Variants in DLG5 observed in about 807,000 individuals in gnomAD.
DLG5 encodes the protein disks large homolog 5.
A neutral mutation model predicts 189.8 loss-of-function variants in DLG5; 48 were observed. That is an observed-to-expected ratio of 0.25 (90% CI 0.20 to 0.32). The LOEUF (loss-of-function observed/expected upper bound fraction) is 0.32. Among genes scored for constraint, DLG5 ranks in the 10% least tolerant of loss-of-function variants. The pLI, the probability that DLG5 is intolerant of heterozygous loss-of-function variation, is 1.00. For missense variants in DLG5, 2,160 were observed against 2,544.7 expected, an observed-to-expected ratio of 0.85 and a Z score of 3.25; for synonymous variants, 1,016 against 1,054.1, an observed-to-expected ratio of 0.96 and a Z score of 0.70.
intron 2 of DLG5, among the ~76,000 whole-genome samples, chr10:77,862,012 C>T (rs1844491657): frequency 6.6e-6 from 1 of 152,056 alleles, no homozygotes; most frequent in Admixed American, 6.5e-5. Context: ...CATGACCAAT[C>T]TCAAGATGTG....
At position 77,792,277 on chromosome 10, in the gene DLG5, CGTGGCCCTCTGTCTACAAAGGA is replaced by C. The variant is rs1436650162; in HGVS notation, c.*141_*162del. The C allele has an allele frequency of 1.5e-6, 1 of 686,806 alleles. No individual in the cohort carries two copies. Among genetic ancestry groups the C allele is most frequent in the Non-Finnish European group, 2.5e-6 (1 of 395,274 alleles). The allele number at this position is 686,806 out of a possible 1,614,324, so 42.5% of individuals were successfully genotyped here. On this transcript the variant is annotated 3_prime_UTR_variant, in exon 32 of 32. Transcript: ENST00000372391. ...GGCCTGGGCCTGGATCGCACGCAGC[CGTGGCCCTCTGTCTACAAAGGA>C]GGTGCTTCTGGGTCCTGGTTCCGGA...
intron 27 of DLG5, among the ~76,000 whole-genome samples, chr10:77,803,210 A>G (rs1443697844): frequency 6.6e-6 from 1 of 152,232 alleles, no homozygotes; most frequent in East Asian, 1.9e-4. Context: ...TAGAATGAAT[A>G]GAAAACAAAC....
In DLG5 at chr10:77,790,909, C is replaced by T. The variant is rs1418068834; in HGVS notation, c.*1531G>A. Reference sequence around the variant, plus strand: ...CAGTACCTGTCTGTGCACACTGTACCATCTCAGTCCCACTCTGCCTGTAAC... The same window carrying T: ...CAGTACCTGTCTGTGCACACTGTACTATCTCAGTCCCACTCTGCCTGTAAC... On this transcript the variant is annotated 3_prime_UTR_variant, in exon 32 of 32. Transcript: ENST00000372391. 6.6e-6 allele frequency: 1 copy of T among 152,156 alleles called. No individual in the cohort carries two copies. The highest frequency in any genetic ancestry group is 2.4e-5 in the African/African-American group (1 of 41,432). The allele number at this position is 152,156 out of a possible 1,614,324, so 9.4% of individuals were successfully genotyped here. A position where few individuals can be genotyped will look rare whatever the true frequency, so the allele number is the denominator to read the frequency against.
chr10:77,880,519 G>A (rs1845246086), intron 1 of DLG5, among the ~76,000 whole-genome samples: 1 of 152,104 alleles, frequency 6.6e-6, no homozygotes, highest in Non-Finnish European at 1.5e-5. Context: ...GGTCTTAAGA[G>A]AGGTGCTCAG....
intron 1 of DLG5, among the ~76,000 whole-genome samples, chr10:77,871,238 C>T (rs1263022399): frequency 6.6e-6 from 1 of 152,082 alleles, no homozygotes; most frequent in African/African-American, 2.4e-5. Flanking sequence ...AAAGCTGCAT[C>T]TCTAAACAGG....
intron 2 of DLG5, among the ~76,000 whole-genome samples, chr10:77,867,693 A>C (rs946705168): frequency 3.9e-5 from 6 of 152,260 alleles, no homozygotes; most frequent in Non-Finnish European, 7.3e-5. Context: ...AAAAGATGCT[A>C]AAGTCCCAAT....
At chr10:77,835,596 T>G in intron 8 of DLG5, 142 bp downstream of exon 8, 1 of 846,244 alleles carries the variant, frequency 1.2e-6, no homozygotes, top group Non-Finnish European at 1.8e-6. Flanking sequence ...GGGCATCAAC[T>G]AGGGGTGAGA....
intron 1 of DLG5, among the ~76,000 whole-genome samples, chr10:77,885,419 G>A (rs890458467): frequency 2.6e-5 from 4 of 152,302 alleles, no homozygotes; most frequent in South Asian, 2.1e-4. Context: ...TCTTTCACAC[G>A]TGGGCAATGC....
In DLG5 at chr10:77,792,550, A is replaced by C; in HGVS notation, c.5657-7T>G. ...GCTCCTCCCTGGATGACCCCTGCAA[A>C]AGAGCCCCCCAGACACGTCATTCAG... is the stretch of plus-strand genomic sequence containing the variant. On this transcript the variant is annotated splice_polypyrimidine_tract_variant and splice_region_variant and intron_variant, in intron 31 of 31. Transcript: ENST00000372391. 1.2e-6 allele frequency: 2 copies of C among 1,613,912 alleles called. No homozygotes were observed. The highest frequency in any genetic ancestry group is 1.7e-6 in the Non-Finnish European group (2 of 1,179,866).
At chr10:77,889,213 GGCCTC>G (rs1845535202) in intron 1 of DLG5, among the ~76,000 whole-genome samples, 1 of 149,948 alleles carries the variant, frequency 6.7e-6, no homozygotes, top group African/African-American at 2.5e-5. Context: ...TAAACTCCCA[GGCCTC>G]ACAAGCCCAC....
rs773089051 is a variant in DLG5 at position 77,835,914 on chromosome 10, G to A, written c.1446C>T (p.Asp482=). The change falls in exon 8 of 32, where the codon GAC becomes GAT. Residue 482 remains aspartate, a synonymous_variant. Coordinates refer to ENST00000372391, the MANE Select transcript of DLG5 (RefSeq NM_004747.4). Reference sequence around the variant, plus strand: ...CTCTCCCAGCATCCATTGTCACCGTGTCTTTGATCTGGTGGGAGCAAGGGG... The same window carrying A: ...CTCTCCCAGCATCCATTGTCACCGTATCTTTGATCTGGTGGGAGCAAGGGG... ...EEMEALRQIK[D]TVTMDAGRAN... 6.2e-7 allele frequency: 1 copy of A among 1,612,538 alleles called. No individual in the cohort carries two copies. Among genetic ancestry groups the A allele is most frequent in the South Asian group, 1.1e-5 (1 of 91,012 alleles).
chr10:77,873,838 C>T (rs573949810), intron 1 of DLG5, among the ~76,000 whole-genome samples: 35 of 152,324 alleles, frequency 2.3e-4, no homozygotes, highest in African/African-American at 7.7e-4. Flanking sequence ...CCAGCACCCC[C>T]TACCTCAATC....
Position 77,890,208 on chromosome 10 carries a change from T to C in DLG5, c.305-21011A>G, listed in dbSNP as rs143041667. Among the ~76,000 whole-genome samples, 360 of 152,306 alleles carry C rather than the reference T, an allele frequency of 2.4e-3. 2 individuals carry two copies. The South Asian group carries it at 0.024, about 10-fold the overall frequency. On this transcript the variant is annotated intron_variant, in intron 1 of 31. Coordinates refer to ENST00000372391, the MANE Select transcript of DLG5 (RefSeq NM_004747.4). ...TTTACCAATGAGAACGGCAAGCAGCTTCTCAAAGAGGGATGCCCCTGCCAA... is the reference window on the plus strand; with the variant it reads ...TTTACCAATGAGAACGGCAAGCAGCCTCTCAAAGAGGGATGCCCCTGCCAA...
intron 1 of DLG5, among the ~76,000 whole-genome samples, chr10:77,911,498 C>T (rs1230946864): frequency 2.0e-5 from 3 of 152,174 alleles, no homozygotes; most frequent in Non-Finnish European, 4.4e-5. Context: ...TTTGCTATCA[C>T]CTTCCTCAAT....
intron 2 of DLG5, among the ~76,000 whole-genome samples, chr10:77,859,801 C>CGAGATAT: frequency 6.6e-6 from 1 of 152,256 alleles, no homozygotes; most frequent in Non-Finnish European, 1.5e-5. Context: ...CAGGCCGCAC[C>CGAGATAT]TTTGGGGTCA....
the DLG5 span, among the ~76,000 whole-genome samples, chr10:77,937,874 A>ATTT: frequency 3.7e-4 from 38 of 104,104 alleles, no homozygotes; most frequent in African/African-American, 9.4e-4. Flanking sequence ...CACTCAGCTA[A>ATTT]TTTTTTTTTT....
chr10:77,837,837 A>G (rs1242652657), intron 7 of DLG5, among the ~76,000 whole-genome samples: 1 of 152,188 alleles, frequency 6.6e-6, no homozygotes, highest in Non-Finnish European at 1.5e-5. Flanking sequence ...CTGGGTGAAC[A>G]AAGGCGTGGG....
chr10:77,811,885 C>A (rs765313547), intron 22 of DLG5, 39 bp downstream of exon 22: 5 of 1,574,380 alleles, frequency 3.2e-6, no homozygotes, highest in Non-Finnish European at 4.3e-6. Context: ...CCCACCTCTC[C>A]ACCCCCAGCC....
chr10:77,867,930 T>C (rs555385213), intron 2 of DLG5: 11 of 456,456 alleles, frequency 2.4e-5, no homozygotes, highest in Admixed American at 9.4e-5. Context: ...AAGGGGAAAT[T>C]TGGAGACAGA....
Sources: gnomAD v4.1 joint callset for allele counts (sites outside exome capture counted in the v4.1 genomes callset) on GRCh38, gnomAD v4.1.1 for gene constraint, MANE v1.5 for transcripts, NCBI Gene and HGNC (gene_info 2026-07-23, HGNC 2026-07-21) for gene names.